The following EYA4 variants were observed in gnomAD, a reference collection of about 807,000 sequenced individuals.
The protein encoded by EYA4 is protein phosphatase EYA4.
A neutral mutation model predicts 87.9 loss-of-function variants in EYA4; 31 were observed. The ratio of observed to expected loss-of-function variants is 0.35; its 90% CI spans 0.27 to 0.48. EYA4 has a LOEUF of 0.48. EYA4 is among the 20% of genes least tolerant of loss of function. EYA4 has a pLI of 0.99. For missense variants in EYA4, 678 were observed against 761.4 expected, an observed-to-expected ratio of 0.89 and a Z score of 1.29; for synonymous variants, 263 against 270.6, an observed-to-expected ratio of 0.97 and a Z score of 0.28.
chr6:133,510,536 A>G, intron 14 of EYA4: 1 of 260,084 alleles, frequency 3.8e-6, no homozygotes. Flanking sequence ...CTTTTCCTTA[A>G]AGCCCAGTCC....
Position 133,487,701 on chromosome 6 carries a change from C to T in EYA4, c.1191+4586C>T, listed in dbSNP as rs553238185. On this transcript the variant is annotated intron_variant, in intron 13 of 19. Transcript: ENST00000355286. ...TCACCTGCTACCAAGATTCATCACT[C>T]TTGGGCCCTGAATAATCAACAGTAG... Among the ~76,000 whole-genome samples, 5 of 152,276 alleles carry T rather than the reference C, an allele frequency of 3.3e-5. 1 individual carries two copies. In the South Asian group the frequency reaches 1.0e-3, roughly 32 times the overall value.
intron 2 of EYA4, among the ~76,000 whole-genome samples, chr6:133,304,304 G>T (rs1323120925): frequency 2.0e-5 from 3 of 152,130 alleles, no homozygotes; most frequent in Admixed American, 6.6e-5. Flanking sequence ...AATGTGGCAG[G>T]TGCAACTCTG....
intron 3 of EYA4, among the ~76,000 whole-genome samples, chr6:133,444,957 G>C (rs1792667035): frequency 6.6e-6 from 1 of 152,162 alleles, no homozygotes; most frequent in African/African-American, 2.4e-5. Context: ...TCGTCAATGT[G>C]TTTGAGTTCG....
At chr6:133,256,516 T>C (rs1775349741) in intron 1 of EYA4, among the ~76,000 whole-genome samples, 1 of 152,028 alleles carries the variant, frequency 6.6e-6, no homozygotes, top group African/African-American at 2.4e-5. Context: ...CTTTTTAACA[T>C]AGAGATGAAA....
At chr6:133,241,091 C>A (rs1438110713), upstream of EYA4, among the ~76,000 whole-genome samples, 2 of 151,536 alleles carry the variant, frequency 1.3e-5, no homozygotes, top group Admixed American at 1.3e-4. Context: ...CGGCGCCACC[C>A]GGGACATCCA....
chr6:133,441,020 T>C (rs1792224296), intron 3 of EYA4, among the ~76,000 whole-genome samples: 1 of 152,214 alleles, frequency 6.6e-6, no homozygotes. Flanking sequence ...ATGTTTGTGG[T>C]GCTGTAAGGC....
At chr6:133,277,627 T>C (rs1777285900) in intron 2 of EYA4, among the ~76,000 whole-genome samples, 1 of 152,204 alleles carries the variant, frequency 6.6e-6, no homozygotes, top group African/African-American at 2.4e-5. Flanking sequence ...CATTCTAGCA[T>C]ATCCAGCTAC....
intron 3 of EYA4, among the ~76,000 whole-genome samples, chr6:133,389,102 G>A (rs560454656): frequency 1.3e-5 from 2 of 152,200 alleles, no homozygotes; most frequent in South Asian, 2.1e-4. Flanking sequence ...TCTTCCAGAT[G>A]TTTTGCGCCC....
intron 3 of EYA4, among the ~76,000 whole-genome samples, chr6:133,408,087 G>T (rs1300191265): frequency 6.6e-6 from 1 of 152,090 alleles, no homozygotes; most frequent in East Asian, 1.9e-4. Context: ...TTAATTGTTG[G>T]GGCTGCAATT....
intron 11 of EYA4, among the ~76,000 whole-genome samples, chr6:133,475,445 T>C (rs1336893377): frequency 6.6e-6 from 1 of 152,088 alleles, no homozygotes; most frequent in Non-Finnish European, 1.5e-5. Context: ...ATACATTAGC[T>C]AACTGAACCT....
intron 1 of EYA4, among the ~76,000 whole-genome samples, chr6:133,273,973 G>T (rs1423822801): frequency 6.6e-6 from 1 of 151,886 alleles, no homozygotes; most frequent in Admixed American, 6.6e-5. Flanking sequence ...GGGTTACTTG[G>T]GTTTTTGGTG....
intron 2 of EYA4, among the ~76,000 whole-genome samples, chr6:133,370,156 G>C (rs1037572832): frequency 6.6e-6 from 1 of 152,102 alleles, no homozygotes; most frequent in African/African-American, 2.4e-5. Flanking sequence ...TGTAAACCTC[G>C]ACACAGTTTC....
intron 3 of EYA4, among the ~76,000 whole-genome samples, chr6:133,383,525 A>C (rs1002896956): frequency 4.2e-4 from 61 of 144,412 alleles, no homozygotes; most frequent in African/African-American, 1.6e-3. Flanking sequence ...CTCAAAAAAA[A>C]AAAAAAAAAA....
At chr6:133,399,399 A>G (rs1449040608) in intron 3 of EYA4, among the ~76,000 whole-genome samples, 1 of 152,200 alleles carries the variant, frequency 6.6e-6, no homozygotes, top group Non-Finnish European at 1.5e-5. Flanking sequence ...TTATCTGGTT[A>G]GTTCACTAGA....
chr6:133,382,899 T>C (rs1360537144), intron 3 of EYA4, among the ~76,000 whole-genome samples: 1 of 152,146 alleles, frequency 6.6e-6, no homozygotes, highest in Admixed American at 6.5e-5. Context: ...TTTGGCATTC[T>C]CGTTTGGGTT....
intron 11 of EYA4, among the ~76,000 whole-genome samples, chr6:133,476,686 A>G (rs912735855): frequency 6.6e-6 from 1 of 152,046 alleles, no homozygotes; most frequent in African/African-American, 2.4e-5. Flanking sequence ...TATCTTGGCT[A>G]TTTGTGAATA....
At chr6:133,491,913 C>T (rs1178833224) in intron 13 of EYA4, among the ~76,000 whole-genome samples, 1 of 133,500 alleles carries the variant, frequency 7.5e-6, no homozygotes, top group African/African-American at 2.9e-5. Context: ...GTTAGCACCA[C>T]AGCACTGCAG....
intron 11 of EYA4, among the ~76,000 whole-genome samples, chr6:133,469,094 G>C (rs139567761): frequency 6.6e-6 from 1 of 152,044 alleles, no homozygotes; most frequent in Non-Finnish European, 1.5e-5. Flanking sequence ...ACCTTTGTAA[G>C]TTGTCAGTAG....
intron 19 of EYA4, among the ~76,000 whole-genome samples, chr6:133,526,929 T>C (rs544944575): frequency 3.9e-4 from 59 of 152,320 alleles, no homozygotes; most frequent in Non-Finnish European, 6.2e-4. Flanking sequence ...ACTAATATAA[T>C]TCAGTTTTCC....
Sources: allele counts gnomAD v4.1 joint callset (sites outside exome capture counted in the v4.1 genomes callset), GRCh38; gene constraint gnomAD v4.1.1; transcripts MANE v1.5; gene names NCBI Gene and HGNC (gene_info 2026-07-23, HGNC 2026-07-21).